The following NMNAT2 variants were observed in gnomAD, a reference collection of about 807,000 sequenced individuals.
NMNAT2 encodes nicotinamide nucleotide adenylyltransferase 2.
A neutral mutation model predicts 41.6 loss-of-function variants in NMNAT2; 11 were observed. The ratio of observed to expected loss-of-function variants is 0.26; its 90% CI spans 0.17 to 0.44. NMNAT2 has a LOEUF of 0.44. NMNAT2 is among the 20% of genes least tolerant of loss of function. The pLI is 1.00. For synonymous variants in NMNAT2, 148 were observed against 151.2 expected (o/e 0.98, Z 0.16); for missense variants, 288 against 407.7 (o/e 0.71, Z 2.53).
chr1:183,274,820 G>A (rs1661083491), intron 8 of NMNAT2, among the ~76,000 whole-genome samples: 1 of 151,718 alleles, frequency 6.6e-6, no homozygotes, highest in Non-Finnish European at 1.5e-5. Context: ...GAAGCGGGGA[G>A]AGAAAATAGG....
At chr1:183,304,053 T>C (rs1440382237) in intron 1 of NMNAT2, among the ~76,000 whole-genome samples, 1 of 152,154 alleles carries the variant, frequency 6.6e-6, no homozygotes, top group East Asian at 1.9e-4. Flanking sequence ...CACTATGGAG[T>C]CAGCATCTTC....
intron 8 of NMNAT2, among the ~76,000 whole-genome samples, chr1:183,261,821 C>G (rs1660665108): frequency 6.6e-6 from 1 of 152,224 alleles, no homozygotes; most frequent in African/African-American, 2.4e-5. Flanking sequence ...TCTTGGAATG[C>G]ATCACTGGGC....
intron 1 of NMNAT2, among the ~76,000 whole-genome samples, chr1:183,406,836 T>G (rs1648970264): frequency 1.2e-5 from 1 of 81,506 alleles, no homozygotes; most frequent in South Asian, 4.2e-4. Flanking sequence ...TTTTTTTTTT[T>G]GAGACAGAGT....
chr1:183,343,246 T>G (rs1277172207), intron 1 of NMNAT2, among the ~76,000 whole-genome samples: 1 of 152,186 alleles, frequency 6.6e-6, no homozygotes, highest in Non-Finnish European at 1.5e-5. Flanking sequence ...GATATCCCTC[T>G]TCTCCTTCCC....
At chr1:183,292,224 C>CG (rs1339192087) in intron 3 of NMNAT2, among the ~76,000 whole-genome samples, 1 of 152,208 alleles carries the variant, frequency 6.6e-6, no homozygotes, top group Non-Finnish European at 1.5e-5. Flanking sequence ...GCAAGCTCAG[C>CG]GGAGGTGGGT....
chr1:183,338,069 C>T (rs1662713034), intron 1 of NMNAT2, among the ~76,000 whole-genome samples: 1 of 148,936 alleles, frequency 6.7e-6, no homozygotes, highest in South Asian at 2.1e-4. Context: ...GGCACACTGA[C>T]CTGCATCTGT....
intron 8 of NMNAT2, among the ~76,000 whole-genome samples, chr1:183,275,832 C>T (rs572317684): frequency 1.1e-4 from 17 of 152,198 alleles, no homozygotes; most frequent in African/African-American, 3.9e-4. Flanking sequence ...GCCACCACGC[C>T]CAGCTAATTT....
chr1:183,400,644 T>C (rs6676089), intron 1 of NMNAT2, among the ~76,000 whole-genome samples: 100,377 of 151,400 alleles, frequency 0.66, 33,812 homozygotes, highest in East Asian at 0.89. Context: ...GGAGGCATCA[T>C]GCTACCTGAC....
At chr1:183,322,224 C>A (rs1262141749) in intron 1 of NMNAT2, among the ~76,000 whole-genome samples, 1 of 152,214 alleles carries the variant, frequency 6.6e-6, no homozygotes, top group African/African-American at 2.4e-5. Context: ...GAACGTGACA[C>A]CCCTCTGAGT....
In NMNAT2 at chr1:183,250,479, G is replaced by T. The variant is rs575203061; in HGVS notation, c.*2162C>A. Reference sequence around the variant, plus strand: ...AAGATGCCAGGGTAAGGCTTGGGAAGTGTAGAAATCATATGGGCACCTGGT... The same window carrying T: ...AAGATGCCAGGGTAAGGCTTGGGAATTGTAGAAATCATATGGGCACCTGGT... On this transcript the variant is annotated 3_prime_UTR_variant, in exon 11 of 11. Coordinates refer to ENST00000287713, the MANE Select transcript of NMNAT2 (RefSeq NM_015039.4). 2 of 152,732 alleles carry T rather than the reference G, an allele frequency of 1.3e-5. No homozygotes were observed. Among genetic ancestry groups the T allele is most frequent in the African/African-American group, 4.8e-5 (2 of 41,580 alleles). 9.5% of individuals were successfully genotyped at this position (152,732 alleles called of 1,614,324 possible). A position where few individuals can be genotyped will look rare whatever the true frequency, so the allele number is the denominator to read the frequency against.
intron 1 of NMNAT2, among the ~76,000 whole-genome samples, chr1:183,302,341 G>A (rs1254844850): frequency 6.6e-6 from 1 of 152,194 alleles, no homozygotes; most frequent in African/African-American, 2.4e-5. Flanking sequence ...AAGTGCTATA[G>A]GACTTCAGGG....
At chr1:183,344,244 CA>C (rs1215795959) in intron 1 of NMNAT2, among the ~76,000 whole-genome samples, 3 of 152,162 alleles carry the variant, frequency 2.0e-5, no homozygotes, top group African/African-American at 7.2e-5. Flanking sequence ...CACAATGAAG[CA>C]AGCATAATCA....
chr1:183,274,008 G>A (rs1251385441), intron 8 of NMNAT2, among the ~76,000 whole-genome samples: 1 of 151,750 alleles, frequency 6.6e-6, no homozygotes, highest in Non-Finnish European at 1.5e-5. Context: ...TATCTCCTGG[G>A]TTCATGCAAT....
intron 1 of NMNAT2, among the ~76,000 whole-genome samples, chr1:183,381,131 G>A (rs1663794923): frequency 6.6e-6 from 1 of 152,282 alleles, no homozygotes; most frequent in Admixed American, 6.5e-5. Flanking sequence ...AAGGGTCAAA[G>A]GATGGTTGTG....
At chr1:183,391,850 T>C (rs1162840794) in intron 1 of NMNAT2, among the ~76,000 whole-genome samples, 2 of 152,194 alleles carry the variant, frequency 1.3e-5, no homozygotes, top group Non-Finnish European at 2.9e-5. Context: ...TGATGGCATT[T>C]GACTTCCAGG....
At chr1:183,277,796 CA>C (rs1308773863) in intron 8 of NMNAT2, among the ~76,000 whole-genome samples, 1 of 152,020 alleles carries the variant, frequency 6.6e-6, no homozygotes, top group Non-Finnish European at 1.5e-5. Flanking sequence ...AACAAACAAA[CA>C]AAAAAACTGA....
intron 8 of NMNAT2, among the ~76,000 whole-genome samples, chr1:183,276,018 T>C (rs1011375326): frequency 1.3e-5 from 2 of 152,178 alleles, no homozygotes; most frequent in African/African-American, 4.8e-5. Context: ...CGGGGACTAG[T>C]TGGTCACCTG....
At chr1:183,410,892 A>C (rs527827916) in intron 1 of NMNAT2, among the ~76,000 whole-genome samples, 1 of 151,656 alleles carries the variant, frequency 6.6e-6, no homozygotes, top group African/African-American at 2.4e-5. Flanking sequence ...TAATTTTTTA[A>C]ATTTTTGTAG....
rs370057615 is a variant in NMNAT2, at chr1:183,304,740, CT to C, written c.86-10948del. 2.5e-4 allele frequency: 403 copies of C among 1,614,044 alleles called. 2 individuals carry two copies. In the African/African-American group the frequency reaches 4.8e-3, roughly 19 times the overall value. ...TTTCCTCTAGTTCCTGGATTTCCAT[CT>C]ATTTGTCTGGTTTTTGCAGCCACTA... On this transcript the variant is annotated intron_variant, in intron 1 of 10. Transcript: ENST00000287713.
Sources: gnomAD v4.1 joint callset for allele counts (sites outside exome capture counted in the v4.1 genomes callset) on GRCh38, gnomAD v4.1.1 for gene constraint, MANE v1.5 for transcripts, NCBI Gene and HGNC (gene_info 2026-07-23, HGNC 2026-07-21) for gene names.